The following GPR15LG variants were observed in gnomAD, a reference collection of about 807,000 sequenced individuals.
GPR15LG encodes the protein G protein-coupled receptor 15 ligand.
chr10:84,182,613 T>C, the GPR15LG span, among the ~76,000 whole-genome samples: 3 of 152,226 alleles, frequency 2.0e-5, no homozygotes, highest in Non-Finnish European at 4.4e-5. Context: ...GTTCCACTTA[T>C]GTAAATGGAA....
the GPR15LG span, among the ~76,000 whole-genome samples, chr10:84,178,389 A>G: frequency 6.6e-6 from 1 of 151,884 alleles, no homozygotes; most frequent in African/African-American, 2.4e-5. Flanking sequence ...ACACAGACAC[A>G]TACACAAGTA....
At chr10:84,179,578 T>TG in the GPR15LG span, among the ~76,000 whole-genome samples, 1 of 152,218 alleles carries the variant, frequency 6.6e-6, no homozygotes, top group African/African-American at 2.4e-5. Context: ...CACTGATGTA[T>TG]GACAAAGCCC....
the GPR15LG span, among the ~76,000 whole-genome samples, chr10:84,181,389 T>C: frequency 6.6e-6 from 1 of 150,984 alleles, no homozygotes; most frequent in African/African-American, 2.4e-5. Context: ...AAAGAGTATT[T>C]AGAAAATTTA....
At chr10:84,180,157 A>G in the GPR15LG span, among the ~76,000 whole-genome samples, 67 of 152,372 alleles carry the variant, frequency 4.4e-4, no homozygotes, top group East Asian at 0.011. Context: ...TTTAACCCTT[A>G]GTGGACACAG....
the GPR15LG span, among the ~76,000 whole-genome samples, chr10:84,178,911 C>G: frequency 6.6e-6 from 1 of 152,318 alleles, no homozygotes; most frequent in South Asian, 2.1e-4. Context: ...ATCCTTGAGA[C>G]CACCGTGGGG....
At chr10:84,184,258 T>C in the GPR15LG span, among the ~76,000 whole-genome samples, 2 of 152,184 alleles carry the variant, frequency 1.3e-5, no homozygotes, top group Non-Finnish European at 2.9e-5. Flanking sequence ...TGTCAAAAGA[T>C]GCAAATGTAG....
At chr10:84,184,546 C>A in the GPR15LG span, 1 of 945,830 alleles carries the variant, frequency 1.1e-6, no homozygotes, top group South Asian at 1.4e-5. Context: ...AGATCTAATT[C>A]TTGCTTTGAA....
At chr10:84,181,687 C>T in the GPR15LG span, among the ~76,000 whole-genome samples, 1 of 152,208 alleles carries the variant, frequency 6.6e-6, no homozygotes, top group South Asian at 2.1e-4. Context: ...TCCCAAAGTG[C>T]TAAAGCGCTG....
the GPR15LG span, among the ~76,000 whole-genome samples, chr10:84,183,110 A>T: frequency 6.6e-6 from 1 of 152,072 alleles, no homozygotes. Flanking sequence ...AATTAAATTT[A>T]TTTCTTTGTA....
the GPR15LG span, among the ~76,000 whole-genome samples, chr10:84,176,285 C>G: frequency 6.6e-6 from 1 of 152,150 alleles, no homozygotes; most frequent in East Asian, 1.9e-4. Context: ...GTTTTGGGGC[C>G]ATGTGTCTCC....
chr10:84,176,618 G>A, the GPR15LG span: 34 of 1,356,500 alleles, frequency 2.5e-5, no homozygotes, highest in Non-Finnish European at 3.5e-5. Context: ...TTCTACAGTG[G>A]CCATGGGACC....
the GPR15LG span, chr10:84,185,181 C>T: frequency 1.5e-6 from 1 of 663,658 alleles, no homozygotes; most frequent in Non-Finnish European, 1.9e-6. Flanking sequence ...CATTTAACTA[C>T]CAGCATCCAG....
At chr10:84,183,405 A>G in the GPR15LG span, among the ~76,000 whole-genome samples, 1 of 152,236 alleles carries the variant, frequency 6.6e-6, no homozygotes, top group African/African-American at 2.4e-5. Flanking sequence ...AGAAGGAGAA[A>G]GAATAATCTC....
chr10:84,181,728 C>T, the GPR15LG span, among the ~76,000 whole-genome samples: 13 of 152,204 alleles, frequency 8.5e-5, no homozygotes, highest in Non-Finnish European at 8.8e-5. Context: ...TGCATCTGGC[C>T]CAGTTCTTTT....
the GPR15LG span, among the ~76,000 whole-genome samples, chr10:84,174,257 A>G: frequency 6.6e-6 from 1 of 152,266 alleles, no homozygotes; most frequent in African/African-American, 2.4e-5. Flanking sequence ...ATTCTCTTGT[A>G]CTTGTGTCAT....
the GPR15LG span, chr10:84,176,695 T>C: frequency 3.1e-6 from 2 of 639,652 alleles, no homozygotes; most frequent in South Asian, 1.9e-5. Context: ...GACATCTTTG[T>C]TTTGTTGATT....
At chr10:84,184,300 T>G in the GPR15LG span, among the ~76,000 whole-genome samples, 2 of 152,242 alleles carry the variant, frequency 1.3e-5, no homozygotes, top group Admixed American at 1.3e-4. Flanking sequence ...ATGTGCCATC[T>G]GGAAGGAGAC....
the GPR15LG span, among the ~76,000 whole-genome samples, chr10:84,179,877 C>T: frequency 6.8e-5 from 9 of 132,340 alleles, no homozygotes; most frequent in Non-Finnish European, 8.1e-5. Flanking sequence ...TTTAAAAAGG[C>T]TTTTTTTTTT....
At chr10:84,175,557 T>C in the GPR15LG span, among the ~76,000 whole-genome samples, 2 of 152,238 alleles carry the variant, frequency 1.3e-5, no homozygotes, top group African/African-American at 4.8e-5. Context: ...CAGGTCGGAG[T>C]GCAGTGGCAT....
Sources: gnomAD v4.1 joint callset for allele counts (sites outside exome capture counted in the v4.1 genomes callset) on GRCh38, gnomAD v4.1.1 for gene constraint, MANE v1.5 for transcripts, NCBI Gene and HGNC (gene_info 2026-07-23, HGNC 2026-07-21) for gene names.